OCA2: variants seen among roughly 807,000 people sequenced by gnomAD.
OCA2 encodes the protein P protein.
Under a neutral mutation model 100.2 loss-of-function variants are expected in OCA2, and 77 were observed. The observed-to-expected ratio is 0.77, with a 90% CI of 0.64 to 0.93. The LOEUF (loss-of-function observed/expected upper bound fraction) is 0.93. Ranked by LOEUF, OCA2 falls within the 40% of genes least tolerant of loss-of-function variation. The pLI, the probability that OCA2 is intolerant of heterozygous loss-of-function variation, is 0.00. For missense variants in OCA2, 1,062 were observed against 1,089.1 expected, an observed-to-expected ratio of 0.98 and a Z score of 0.35; for synonymous variants, 432 against 439.2, an observed-to-expected ratio of 0.98 and a Z score of 0.21.
At chr15:27,915,025 C>A (rs988969592) in intron 19 of OCA2, among the ~76,000 whole-genome samples, 10 of 152,018 alleles carry the variant, frequency 6.6e-5, no homozygotes, top group Non-Finnish European at 1.3e-4. Context: ...ACACATGGAC[C>A]AATGGAACAG....
In OCA2 at chr15:28,024,561, G is replaced by T. The variant is rs549099649; in HGVS notation, c.573+284C>A. Among the ~76,000 whole-genome samples, 184 of 152,336 alleles carry T rather than the reference G, an allele frequency of 1.2e-3. 1 individual carries two copies. Among genetic ancestry groups the T allele is most frequent in the Non-Finnish European group, 3.7e-4 (25 of 68,030 alleles). On this transcript the variant is annotated intron_variant, in intron 5 of 23. Coordinates refer to ENST00000354638, the MANE Select transcript of OCA2 (RefSeq NM_000275.3). ...GGGAAGTGGTAAGCCACTCGAGGGG[G>T]AAGGGAGCCCCACAGCCAGCTACCC...
intron 9 of OCA2, among the ~76,000 whole-genome samples, chr15:27,995,162 A>C (rs1396886499): frequency 6.6e-6 from 1 of 152,164 alleles, no homozygotes; most frequent in African/African-American, 2.4e-5. Context: ...AATTGAAAGC[A>C]ATGCAATGTA....
chr15:27,739,602 T>C, the OCA2 span, among the ~76,000 whole-genome samples: 2 of 151,822 alleles, frequency 1.3e-5, no homozygotes, highest in African/African-American at 2.4e-5. Context: ...CCCACCACCA[T>C]GCCTGGCTAA....
intron 19 of OCA2, among the ~76,000 whole-genome samples, chr15:27,896,802 A>C (rs1013424731): frequency 5.3e-5 from 8 of 152,148 alleles, no homozygotes; most frequent in South Asian, 4.1e-4. Context: ...TTTTGAGGAG[A>C]AATTTAAGCC....
the OCA2 span, among the ~76,000 whole-genome samples, chr15:27,746,170 CT>C: frequency 2.0e-5 from 3 of 152,178 alleles, no homozygotes; most frequent in East Asian, 5.8e-4. Flanking sequence ...AAAATTAGAA[CT>C]TTTTGGCTGG....
In OCA2 at chr15:27,957,525, T is replaced by A. The variant is rs1252290031; in HGVS notation, c.1784+63A>T. ...TAGTATACAGCTAATGTCGCTATTTTGTAGGCCCATGGAATGTTCTGCTGC... is the reference window on the plus strand; with the variant it reads ...TAGTATACAGCTAATGTCGCTATTTAGTAGGCCCATGGAATGTTCTGCTGC... On this transcript the variant is annotated intron_variant, in intron 16 of 23. Coordinates refer to ENST00000354638, the MANE Select transcript of OCA2 (RefSeq NM_000275.3). This position sits in a 1 kb window ranked among gnomAD's most constrained non-coding sequence, Gnocchi z 4.3. The A allele has an allele frequency of 1.3e-6, 2 of 1,586,778 alleles. No individual in the cohort carries two copies. The highest frequency in any genetic ancestry group is 2.7e-5 in the African/African-American group (2 of 74,364).
Position 28,027,721 on chromosome 15 carries a change from T to C in OCA2, c.515+150A>G, listed in dbSNP as rs1196067278. On this transcript the variant is annotated intron_variant, in intron 4 of 23. Transcript: ENST00000354638. ...ATGTCTCCCTAGGCCCAGGTAAAAA[T>C]AAATCACCTTGGAGGAAAAGTGCAG... is the stretch of plus-strand genomic sequence containing the variant. The C allele has an allele frequency of 6.1e-6, 5 of 817,372 alleles. No individual in the cohort carries two copies. The African/African-American group carries it at 8.5e-5, about 14-fold the overall frequency. The allele number at this position is 817,372 out of a possible 1,614,324, so 50.6% of individuals were successfully genotyped here. A position where few individuals can be genotyped will look rare whatever the true frequency, so the allele number is the denominator to read the frequency against.
At chr15:28,004,819 A>C (rs896163816) in intron 9 of OCA2, among the ~76,000 whole-genome samples, 3 of 151,816 alleles carry the variant, frequency 2.0e-5, no homozygotes, top group African/African-American at 7.3e-5. Flanking sequence ...TTAAACAGTA[A>C]TACACATACT....
intron 17 of OCA2, among the ~76,000 whole-genome samples, chr15:27,954,767 C>T (rs138355571): frequency 8.5e-5 from 13 of 152,294 alleles, no homozygotes; most frequent in African/African-American, 2.9e-4. Flanking sequence ...CACACTCACG[C>T]ATCCTATGTC....
intron 9 of OCA2, 79 bp from the exon 10 acceptor site, chr15:27,990,726 G>A: frequency 8.2e-7 from 1 of 1,223,702 alleles, no homozygotes; most frequent in Non-Finnish European, 1.2e-6. Context: ...TGGACATGAG[G>A]GGGTCTATAT....
At chr15:27,849,704 G>A (rs948794013) in intron 22 of OCA2, among the ~76,000 whole-genome samples, 1 of 152,150 alleles carries the variant, frequency 6.6e-6, no homozygotes, top group African/African-American at 2.4e-5. Context: ...GCTTCAGCCT[G>A]GGCTGGTGAA....
At chr15:27,976,356 T>C (rs2040965862) in intron 14 of OCA2, among the ~76,000 whole-genome samples, 1 of 152,332 alleles carries the variant, frequency 6.6e-6, no homozygotes, top group East Asian at 1.9e-4. Context: ...GGGAAATCAT[T>C]CAGTTATTCT....
At chr15:28,017,392 G>A (rs1460201415) in intron 7 of OCA2, among the ~76,000 whole-genome samples, 1 of 152,174 alleles carries the variant, frequency 6.6e-6, no homozygotes, top group Non-Finnish European at 1.5e-5. Context: ...GCAAGTGCTG[G>A]GGAGGCAGCG....
chr15:28,031,319 T>C (rs901707565), intron 3 of OCA2, among the ~76,000 whole-genome samples: 1 of 152,230 alleles, frequency 6.6e-6, no homozygotes, highest in African/African-American at 2.4e-5. Flanking sequence ...CTGATATTTT[T>C]TATTATTTCA....
chr15:27,786,827 C>A (rs1012805379), intron 23 of OCA2, among the ~76,000 whole-genome samples: 6 of 152,110 alleles, frequency 3.9e-5, no homozygotes, highest in African/African-American at 1.4e-4. Context: ...TTGCCAGAAC[C>A]ATGAGCACAA....
rs1422437649 is a variant in OCA2 at position 28,016,114 on chromosome 15, C to T, written c.880G>A (p.Val294Ile). Residue 294 changes from valine to isoleucine, a missense_variant, in exon 8 of 24, where the codon GTA becomes ATA. Val to Ile is a conservative substitution (Grantham distance 29). Transcript: ENST00000354638. ...EHSVMSRTFE[V>I]LTRETVSISI... ...TCACTGAGAACTCACCTGGTCAGTA[C>T]CTCAAAGGTCCTGCTCATCACTGAG... is the stretch of plus-strand genomic sequence containing the variant. The T allele has an allele frequency of 2.5e-6, 4 of 1,614,018 alleles. No individual in the cohort carries two copies. The highest frequency in any genetic ancestry group is 2.5e-6 in the Non-Finnish European group (3 of 1,179,916).
intron 18 of OCA2, among the ~76,000 whole-genome samples, chr15:27,947,131 T>A (rs892782172): frequency 9.9e-5 from 15 of 152,266 alleles, no homozygotes; most frequent in Non-Finnish European, 2.1e-4. Context: ...TATCTTTGGG[T>A]CTTCATTCTG....
At chr15:28,031,437 G>A (rs1566820521) in intron 3 of OCA2, among the ~76,000 whole-genome samples, 1 of 152,220 alleles carries the variant, frequency 6.6e-6, no homozygotes, top group African/African-American at 2.4e-5. Context: ...AAAGAAGATT[G>A]AGGCTGCAGG....
At chr15:27,768,343 G>A (rs1405917543) in intron 23 of OCA2, among the ~76,000 whole-genome samples, 2 of 152,156 alleles carry the variant, frequency 1.3e-5, no homozygotes, top group Admixed American at 6.5e-5. Context: ...AGAGAGAATC[G>A]AGTATGGGAC....
Sources: gnomAD v4.1 joint callset for allele counts (sites outside exome capture counted in the v4.1 genomes callset) on GRCh38, gnomAD v4.1.1 for gene constraint, Gnocchi (gnomAD v3.1) non-coding constraint, MANE v1.5 for transcripts, NCBI Gene and HGNC (gene_info 2026-07-23, HGNC 2026-07-21) for gene names.